The following APBB2 variants were observed in gnomAD, a reference collection of about 807,000 sequenced individuals.
APBB2 encodes the protein amyloid beta precursor protein binding family B member 2.
APBB2 carries 38 observed loss-of-function variants against 82.5 expected under a neutral mutation model. The ratio of observed to expected loss-of-function variants is 0.46; its 90% CI spans 0.36 to 0.60. The LOEUF (loss-of-function observed/expected upper bound fraction) is 0.60. Ranked by LOEUF, APBB2 falls within the 20% of genes least tolerant of loss-of-function variation. APBB2 has a pLI of 0.00. For synonymous variants in APBB2, 341 were observed against 368.2 expected (o/e 0.93, Z 0.85); for missense variants, 772 against 972.3 (o/e 0.79, Z 2.74).
At chr4:40,818,197 G>C (rs186469812) in intron 17 of APBB2, among the ~76,000 whole-genome samples, 1 of 152,310 alleles carries the variant, frequency 6.6e-6, no homozygotes, top group Non-Finnish European at 1.5e-5. Context: ...ATGCGGATTT[G>C]AACTAAGAAG....
chr4:40,908,089 C>G (rs200684648), intron 10 of APBB2, among the ~76,000 whole-genome samples: 2 of 149,538 alleles, frequency 1.3e-5, no homozygotes, highest in East Asian at 3.9e-4. Context: ...GTGTATGTGT[C>G]TGTGTGTGTG....
intron 12 of APBB2, among the ~76,000 whole-genome samples, chr4:40,860,438 G>T (rs1344268555): frequency 1.3e-5 from 2 of 152,202 alleles, no homozygotes; most frequent in Admixed American, 1.3e-4. Context: ...AATACTCTGT[G>T]CTATTGTCAC....
chr4:41,191,842 C>T (rs1003203013), intron 1 of APBB2, among the ~76,000 whole-genome samples: 7 of 152,120 alleles, frequency 4.6e-5, no homozygotes, highest in African/African-American at 1.7e-4. Flanking sequence ...GAAATGGCAA[C>T]CTATGAGACT....
chr4:41,136,281 T>C (rs775005168), intron 2 of APBB2, among the ~76,000 whole-genome samples: 1 of 152,190 alleles, frequency 6.6e-6, no homozygotes, highest in Non-Finnish European at 1.5e-5. Flanking sequence ...CATGGAGTCA[T>C]TCTGTGAATA....
chr4:41,160,554 C>T (rs974422253), intron 1 of APBB2, among the ~76,000 whole-genome samples: 3 of 152,120 alleles, frequency 2.0e-5, no homozygotes, highest in Admixed American at 6.5e-5. Flanking sequence ...TGGGCTTGGC[C>T]GCCTTGGGCA....
chr4:41,070,739 T>TA (rs1304827336), intron 3 of APBB2, among the ~76,000 whole-genome samples: 1 of 152,174 alleles, frequency 6.6e-6, no homozygotes, highest in Non-Finnish European at 1.5e-5. Flanking sequence ...TGTTAAAAAA[T>TA]AACTTGATCC....
At chr4:40,886,352 C>T (rs13127832) in intron 12 of APBB2, among the ~76,000 whole-genome samples, 212 of 152,166 alleles carry the variant, frequency 1.4e-3, no homozygotes, top group Non-Finnish European at 2.4e-3. Flanking sequence ...TGGTGGCGGG[C>T]GCCTGTAGTC....
chr4:41,110,553 A>G (rs991468195), intron 2 of APBB2, among the ~76,000 whole-genome samples: 5 of 151,198 alleles, frequency 3.3e-5, no homozygotes, highest in Non-Finnish European at 7.4e-5. Context: ...CAGTGAGCCG[A>G]GATCGCACCA....
rs117839812 is a variant in APBB2 at position 41,018,430 on chromosome 4, C to T, written c.20-4032G>A. Among the ~76,000 whole-genome samples, 1,168 of 152,268 alleles carry T rather than the reference C, an allele frequency of 7.7e-3. 34 individuals carry two copies. Among genetic ancestry groups the T allele is most frequent in the Admixed American group, 0.052 (793 of 15,290 alleles). On this transcript the variant is annotated intron_variant, in intron 5 of 17. Transcript: ENST00000508593. Reference sequence around the variant, plus strand: ...GGATCTTCAGGGAAGGGAGGATTATCATCAAGGGAGCCTGAACAAATCAAG... The same window carrying T: ...GGATCTTCAGGGAAGGGAGGATTATTATCAAGGGAGCCTGAACAAATCAAG...
chr4:41,200,062 T>C (rs1347082053), intron 1 of APBB2, among the ~76,000 whole-genome samples: 1 of 152,188 alleles, frequency 6.6e-6, no homozygotes, highest in African/African-American at 2.4e-5. Flanking sequence ...ATTTCAAGAA[T>C]TACTCTTTGA....
At chr4:41,045,553 A>G (rs1723099742) in intron 4 of APBB2, among the ~76,000 whole-genome samples, 1 of 152,048 alleles carries the variant, frequency 6.6e-6, no homozygotes, top group Admixed American at 6.6e-5. Context: ...CAGCCTCCCA[A>G]AGTGCTGGGA....
chr4:41,109,803 A>G (rs552965799), intron 2 of APBB2, among the ~76,000 whole-genome samples: 1 of 152,158 alleles, frequency 6.6e-6, no homozygotes, highest in African/African-American at 2.4e-5. Context: ...AGGTGTTTAT[A>G]TCATTTTATC....
At chr4:41,105,359 T>C (rs1014221110) in intron 2 of APBB2, among the ~76,000 whole-genome samples, 1 of 152,214 alleles carries the variant, frequency 6.6e-6, no homozygotes, top group African/African-American at 2.4e-5. Flanking sequence ...TTGTTTCATT[T>C]TAGCAAATAG....
intron 12 of APBB2, chr4:40,881,212 A>C: frequency 1.0e-6 from 1 of 985,428 alleles, no homozygotes; most frequent in Middle Eastern, 5.2e-4. Flanking sequence ...GGTCAAGACA[A>C]TACTATAGTG....
intron 4 of APBB2, 82 bp from the exon 5 acceptor site, chr4:41,033,386 C>T: frequency 3.1e-6 from 3 of 975,826 alleles, no homozygotes; most frequent in Non-Finnish European, 4.4e-6. Flanking sequence ...GTGAAAATCT[C>T]TCCAAAAGCT....
chr4:41,187,365 A>G (rs183081176), intron 1 of APBB2, among the ~76,000 whole-genome samples: 257 of 152,336 alleles, frequency 1.7e-3, no homozygotes, highest in African/African-American at 5.6e-3. Flanking sequence ...TAAATTTGAG[A>G]AAAACAAACA....
intron 6 of APBB2, among the ~76,000 whole-genome samples, chr4:40,960,023 T>A (rs1216024994): frequency 6.6e-6 from 1 of 152,166 alleles, no homozygotes; most frequent in Non-Finnish European, 1.5e-5. Flanking sequence ...ATCCTATTCG[T>A]TAAGTGTATT....
At chr4:40,818,524 T>C (rs1395906422) in intron 17 of APBB2, among the ~76,000 whole-genome samples, 1 of 152,214 alleles carries the variant, frequency 6.6e-6, no homozygotes. Flanking sequence ...CCAAAATAGT[T>C]GTCATCCATT....
chr4:40,906,242 C>T (rs1776664551), intron 10 of APBB2, among the ~76,000 whole-genome samples: 2 of 151,656 alleles, frequency 1.3e-5, no homozygotes, highest in Admixed American at 6.6e-5. Flanking sequence ...TCTGCTTGAG[C>T]CCAGGAGTTC....
Sources: allele counts gnomAD v4.1 joint callset (sites outside exome capture counted in the v4.1 genomes callset), GRCh38; gene constraint gnomAD v4.1.1; transcripts MANE v1.5; gene names NCBI Gene and HGNC (gene_info 2026-07-23, HGNC 2026-07-21).